Variants in RGS6 observed in about 807,000 individuals in gnomAD.
RGS6 encodes regulator of G protein signaling 6.
RGS6 carries 30 observed loss-of-function variants against 78.5 expected under a neutral mutation model. The observed-to-expected ratio is 0.38, with a 90% CI of 0.29 to 0.52. The LOEUF (loss-of-function observed/expected upper bound fraction) is 0.52. Among genes scored for constraint, RGS6 ranks in the 20% least tolerant of loss-of-function variants. RGS6 has a pLI of 0.85. For synonymous variants in RGS6, 206 were observed against 206.0 expected, an observed-to-expected ratio of 1.00 and a Z score of 0.00; for missense variants, 495 against 609.7, an observed-to-expected ratio of 0.81 and a Z score of 1.98.
intron 2 of RGS6, among the ~76,000 whole-genome samples, chr14:72,341,560 G>A (rs2077003669): frequency 6.6e-6 from 1 of 152,208 alleles, no homozygotes; most frequent in African/African-American, 2.4e-5. Flanking sequence ...GTGGGTGGAT[G>A]AAGTCCATGA....
chr14:72,563,189 C>T lies in RGS6; in HGVS notation c.*722C>T, dbSNP rs1176762030. Reference sequence around the variant, plus strand: ...CTCAAGGGTCCAGCGTTCGAGGAAGCACTGTTGTAGATGACAGAGCTTTTT... The same window carrying T: ...CTCAAGGGTCCAGCGTTCGAGGAAGTACTGTTGTAGATGACAGAGCTTTTT... On this transcript the variant is annotated 3_prime_UTR_variant, in exon 18 of 18. Transcript: ENST00000553525. 3 of 205,260 alleles carry T rather than the reference C, an allele frequency of 1.5e-5. No homozygotes were observed. In the East Asian group the frequency reaches 3.3e-4, roughly 22 times the overall value. The allele number at this position is 205,260 out of a possible 1,614,324, so 12.7% of individuals were successfully genotyped here.
intron 3 of RGS6, among the ~76,000 whole-genome samples, chr14:72,417,131 T>C (rs927278378): frequency 6.6e-6 from 1 of 152,178 alleles, no homozygotes; most frequent in Non-Finnish European, 1.5e-5. Flanking sequence ...AGGGCAGACA[T>C]GAAATTGTGC....
At chr14:72,418,726 C>T (rs2093990822) in intron 3 of RGS6, among the ~76,000 whole-genome samples, 1 of 152,330 alleles carries the variant, frequency 6.6e-6, no homozygotes, top group Admixed American at 6.5e-5. Flanking sequence ...CACCTCTCTT[C>T]ATTCCTTTTT....
intron 11 of RGS6, among the ~76,000 whole-genome samples, chr14:72,477,960 A>G (rs767095353): frequency 6.6e-6 from 1 of 152,150 alleles, no homozygotes; most frequent in African/African-American, 2.4e-5. Context: ...GGCACATTTC[A>G]CCTGTCCATG....
At chr14:72,189,765 T>C (rs565390571) in intron 2 of RGS6, among the ~76,000 whole-genome samples, 5 of 152,170 alleles carry the variant, frequency 3.3e-5, no homozygotes, top group Non-Finnish European at 7.3e-5. Flanking sequence ...TTTCTTTTTT[T>C]GTCTTATTGG....
At chr14:72,246,340 A>G (rs1208128749) in intron 2 of RGS6, among the ~76,000 whole-genome samples, 1 of 152,236 alleles carries the variant, frequency 6.6e-6, no homozygotes, top group Non-Finnish European at 1.5e-5. Context: ...CAACAATTCT[A>G]AGGGTAAAGT....
intron 2 of RGS6, among the ~76,000 whole-genome samples, chr14:72,005,467 A>ATCTATCTATC (rs1555428453): frequency 6.6e-6 from 1 of 151,174 alleles, no homozygotes; most frequent in Non-Finnish European, 1.5e-5. Flanking sequence ...CTATCTATCT[A>ATCTATCTATC]TATCTCCCTA....
intron 3 of RGS6, among the ~76,000 whole-genome samples, chr14:72,419,497 C>G (rs539889776): frequency 2.0e-5 from 3 of 152,328 alleles, no homozygotes; most frequent in African/African-American, 4.8e-5. Context: ...ATACCAGGAA[C>G]CAAATCCTAT....
At chr14:72,037,261 C>A (rs1168612361) in intron 2 of RGS6, among the ~76,000 whole-genome samples, 2 of 152,206 alleles carry the variant, frequency 1.3e-5, no homozygotes, top group Non-Finnish European at 2.9e-5. Context: ...CAGCAACCTG[C>A]TCGGGTCCCT....
At chr14:71,988,450 A>C (rs1303797666) in intron 2 of RGS6, among the ~76,000 whole-genome samples, 1 of 152,148 alleles carries the variant, frequency 6.6e-6, no homozygotes, top group Non-Finnish European at 1.5e-5. Context: ...TTTAAAAGAG[A>C]AGCCATATTT....
At chr14:72,398,662 C>T (rs950680780) in intron 3 of RGS6, among the ~76,000 whole-genome samples, 1 of 152,038 alleles carries the variant, frequency 6.6e-6, no homozygotes, top group Non-Finnish European at 1.5e-5. Flanking sequence ...AATTTTAGAC[C>T]TTTCATGCTT....
chr14:72,416,404 T>G (rs1401834256), intron 3 of RGS6, among the ~76,000 whole-genome samples: 3 of 152,234 alleles, frequency 2.0e-5, no homozygotes, highest in Non-Finnish European at 4.4e-5. Flanking sequence ...TGCAAATATG[T>G]CGGTACTTTG....
chr14:72,019,145 A>T (rs1470670449), intron 2 of RGS6, among the ~76,000 whole-genome samples: 1 of 152,166 alleles, frequency 6.6e-6, no homozygotes, highest in Non-Finnish European at 1.5e-5. Flanking sequence ...AACTCTTTTT[A>T]AGTGGAGAAG....
intron 13 of RGS6, among the ~76,000 whole-genome samples, chr14:72,502,233 A>T (rs2096736028): frequency 1.3e-5 from 2 of 152,220 alleles, no homozygotes; most frequent in Admixed American, 1.3e-4. Context: ...CAGTCTGGTC[A>T]GTAGCCTCTG....
At chr14:72,445,207 T>TA (rs2153220930) in intron 3 of RGS6, among the ~76,000 whole-genome samples, 1 of 152,382 alleles carries the variant, frequency 6.6e-6, no homozygotes, top group Admixed American at 6.5e-5. Context: ...TGTTTTGTTT[T>TA]TTGAGACGGA....
intron 1 of RGS6, among the ~76,000 whole-genome samples, chr14:71,934,085 T>C (rs2088492283): frequency 6.6e-6 from 1 of 152,202 alleles, no homozygotes; most frequent in African/African-American, 2.4e-5. Flanking sequence ...AAGATGTATA[T>C]TCTTTATTCT....
chr14:72,586,068 C>T, the RGS6 span, among the ~76,000 whole-genome samples: 1 of 152,204 alleles, frequency 6.6e-6, no homozygotes, highest in Non-Finnish European at 1.5e-5. Flanking sequence ...AATTTCAGAT[C>T]ACAGAGTTAC....
chr14:72,404,305 T>G (rs771758670), intron 3 of RGS6, among the ~76,000 whole-genome samples: 28 of 152,202 alleles, frequency 1.8e-4, no homozygotes, highest in Non-Finnish European at 3.7e-4. Context: ...GTGGGAGAGC[T>G]GGAAATTCTG....
chr14:71,924,137 T>A, the RGS6 span, among the ~76,000 whole-genome samples: 1 of 152,088 alleles, frequency 6.6e-6, no homozygotes, highest in Non-Finnish European at 1.5e-5. Context: ...CTTAGCCTCC[T>A]GGGCTCAGGT....
Sources: allele counts gnomAD v4.1 joint callset (sites outside exome capture counted in the v4.1 genomes callset), GRCh38; gene constraint gnomAD v4.1.1; transcripts MANE v1.5; gene names NCBI Gene and HGNC (gene_info 2026-07-23, HGNC 2026-07-21).